Variants in MYBPC1 observed in about 807,000 individuals in gnomAD.
MYBPC1 encodes the protein myosin-binding protein C, slow-type.
MYBPC1 carries 52 observed loss-of-function variants against 147.1 expected under a neutral mutation model. The observed-to-expected ratio is 0.35, with a 90% CI of 0.28 to 0.45. The LOEUF (loss-of-function observed/expected upper bound fraction) is 0.45. Among genes scored for constraint, MYBPC1 ranks in the 20% least tolerant of loss-of-function variants. The probability of loss-of-function intolerance (pLI) is 1.00; values close to 1 mark genes in which losing one functional copy is unlikely to be tolerated. For missense variants in MYBPC1, 1,228 were observed against 1,440.3 expected, an observed-to-expected ratio of 0.85 and a Z score of 2.39; for synonymous variants, 477 against 475.9, an observed-to-expected ratio of 1.00 and a Z score of -0.03.
At chr12:101,636,428 T>C (rs1256231361) in intron 9 of MYBPC1, among the ~76,000 whole-genome samples, 3 of 152,212 alleles carry the variant, frequency 2.0e-5, no homozygotes, top group Non-Finnish European at 2.9e-5. Flanking sequence ...GTTTTATATA[T>C]GCAATCTACA....
chr12:101,678,728 C>CA (rs1179307362), intron 28 of MYBPC1, among the ~76,000 whole-genome samples: 2 of 152,236 alleles, frequency 1.3e-5, no homozygotes, highest in Admixed American at 1.3e-4. Flanking sequence ...TTCAAGGTTT[C>CA]ATGTTTGCAT....
At chr12:101,622,097 T>TA (rs1381516068) in intron 3 of MYBPC1, among the ~76,000 whole-genome samples, 16 of 152,302 alleles carry the variant, frequency 1.1e-4, no homozygotes, top group African/African-American at 3.6e-4. Context: ...TCCAACAAGC[T>TA]AAAATCTGAT....
chr12:101,673,626 G>A lies in MYBPC1; in HGVS notation c.2809+4G>A, dbSNP rs758207586. 2.2e-5 allele frequency: 36 copies of A among 1,614,026 alleles called. No individual in the cohort carries two copies. The highest frequency in any genetic ancestry group is 2.8e-5 in the Non-Finnish European group (33 of 1,180,022). ...TCAATTGACATCCAGATCATTGGTA[G>A]GTTTAGATGAAGGAGCCAGAAAGTT... On this transcript the variant is annotated splice_donor_region_variant and intron_variant, in intron 25 of 31. Transcript: ENST00000361466.
At chr12:101,600,949 G>A (rs934605170) in intron 1 of MYBPC1, among the ~76,000 whole-genome samples, 1 of 152,158 alleles carries the variant, frequency 6.6e-6, no homozygotes, top group Non-Finnish European at 1.5e-5. Flanking sequence ...ATTATTCCAT[G>A]TTAGTTCTTG....
At chr12:101,671,322 C>T (rs1190942163) in intron 24 of MYBPC1, among the ~76,000 whole-genome samples, 1 of 88,862 alleles carries the variant, frequency 1.1e-5, no homozygotes, top group Non-Finnish European at 2.7e-5. Context: ...CACACACACA[C>T]ACACACACAC....
intron 19 of MYBPC1, among the ~76,000 whole-genome samples, chr12:101,660,823 A>C (rs1271703559): frequency 1.3e-5 from 2 of 152,142 alleles, no homozygotes; most frequent in African/African-American, 2.4e-5. Flanking sequence ...GAGAATGAGA[A>C]CCAAGCCAGA....
Position 101,614,543 on chromosome 12 carries a change from C to T in MYBPC1, c.61+12C>T. ...CCCACCCCCGGAAGGTGAGTAAAAA[C>T]ACTCACTCACACACGTTTGGGCTGC... On this transcript the variant is annotated intron_variant, in intron 2 of 31. Transcript: ENST00000361466. The T allele has an allele frequency of 6.2e-7, 1 of 1,613,034 alleles. No individual in the cohort carries two copies. Among genetic ancestry groups the T allele is most frequent in the Non-Finnish European group, 8.5e-7 (1 of 1,179,616 alleles).
At chr12:101,647,176 C>G (rs1378924122) in intron 13 of MYBPC1, 3 of 429,266 alleles carry the variant, frequency 7.0e-6, no homozygotes, top group Non-Finnish European at 8.7e-6. Flanking sequence ...GTTTCACACA[C>G]TCAATTGATC....
chr12:101,644,449 G>A (rs902161676), intron 11 of MYBPC1, among the ~76,000 whole-genome samples: 4 of 152,142 alleles, frequency 2.6e-5, no homozygotes, highest in Non-Finnish European at 5.9e-5. Context: ...CTTTCTTCTA[G>A]AAACATGTGG....
chr12:101,645,043 C>T (rs753572713), intron 12 of MYBPC1, among the ~76,000 whole-genome samples: 9 of 151,988 alleles, frequency 5.9e-5, no homozygotes, highest in Admixed American at 2.0e-4. Flanking sequence ...GGTTTTGTGT[C>T]GCTATAGGTT....
rs1388836545 is a variant in MYBPC1, at chr12:101,662,241, T to C, written c.2033-117T>C. On this transcript the variant is annotated intron_variant, in intron 20 of 31. Coordinates refer to ENST00000361466, the MANE Select transcript of MYBPC1 (RefSeq NM_002465.4). ...GGTTAAAAATATTTACATACATATA[T>C]GACTATTTCACATAGATTGATGACA... 4 of 819,110 alleles carry C rather than the reference T, an allele frequency of 4.9e-6. No individual in the cohort carries two copies. In the African/African-American group the frequency reaches 6.9e-5, roughly 14 times the overall value. The allele number at this position is 819,110 out of a possible 1,614,324, so 50.7% of individuals were successfully genotyped here.
At chr12:101,631,490 C>A (rs76045329) in intron 6 of MYBPC1, 81 bp from the exon 7 acceptor site, 43,288 of 1,469,738 alleles carry the variant, frequency 0.029, 2,687 homozygotes, top group East Asian at 0.28. Flanking sequence ...GTAGTGCAGT[C>A]CCATGTCAAC....
chr12:101,678,323 A>C lies in MYBPC1; in HGVS notation c.3246+85A>C, dbSNP rs145357149. On this transcript the variant is annotated intron_variant, in intron 28 of 31. Transcript: ENST00000361466. ...TGTAAGTAACAATGTAAACAAATCC[A>C]GCTGCTACTTGTGTCTTCCCAGGAT... The C allele has an allele frequency of 5.8e-4, 904 of 1,562,832 alleles. 1 individual carries two copies. The highest frequency in any genetic ancestry group is 7.5e-4 in the Non-Finnish European group (855 of 1,134,608).
At chr12:101,666,397 G>A (rs1897421198) in intron 22 of MYBPC1, 1 of 313,598 alleles carries the variant, frequency 3.2e-6, no homozygotes, top group Non-Finnish European at 6.2e-6. Flanking sequence ...CAGATTCCAG[G>A]ACCTGCTCCT....
chr12:101,677,715 T>C (rs1900307044), intron 27 of MYBPC1, among the ~76,000 whole-genome samples: 1 of 152,230 alleles, frequency 6.6e-6, no homozygotes, highest in East Asian at 1.9e-4. Flanking sequence ...GACACCTTTA[T>C]TGTAGCTACA....
intron 23 of MYBPC1, chr12:101,669,939 A>AAAAAAAAAAAAAAAAAAAT: frequency 7.5e-6 from 1 of 132,604 alleles, no homozygotes; most frequent in Non-Finnish European, 1.7e-5. Flanking sequence ...AAAAAAAAAA[A>AAAAAAAAAAAAAAAAAAAT]GAAAAAAAAA....
chr12:101,639,222 T>C (rs930516755), intron 10 of MYBPC1, among the ~76,000 whole-genome samples: 3 of 152,196 alleles, frequency 2.0e-5, no homozygotes, highest in Non-Finnish European at 4.4e-5. Context: ...TACTCTTCAC[T>C]AGGATCACCA....
At chr12:101,620,927 C>T (rs1887225104) in intron 3 of MYBPC1, among the ~76,000 whole-genome samples, 1 of 151,904 alleles carries the variant, frequency 6.6e-6, no homozygotes, top group South Asian at 2.1e-4. Context: ...CATAAACTAT[C>T]GTGAATGAAC....
At position 101,658,388 on chromosome 12, in the gene MYBPC1, TAA is replaced by T. The variant is rs56350975; in HGVS notation, c.1768-1272_1768-1271del. On this transcript the variant is annotated intron_variant, in intron 18 of 31. Transcript: ENST00000361466. ...ATAGAGGGAAATGTATTCAATCTGA[TAA>T]AAAAAAAAAAATCTACCGTAAAAAG... Among the ~76,000 whole-genome samples, 1,110 of 149,964 alleles carry T rather than the reference TAA, an allele frequency of 7.4e-3. 9 individuals are homozygous for T. Among genetic ancestry groups the T allele is most frequent in the African/African-American group, 0.025 (1,001 of 40,792 alleles).
Sources: gnomAD v4.1 joint callset for allele counts (sites outside exome capture counted in the v4.1 genomes callset) on GRCh38, gnomAD v4.1.1 for gene constraint, MANE v1.5 for transcripts, NCBI Gene and HGNC (gene_info 2026-07-23, HGNC 2026-07-21) for gene names.